Variants in TDP1 observed in about 807,000 individuals in gnomAD.
TDP1 encodes the protein tyrosyl-DNA phosphodiesterase 1.
A neutral mutation model predicts 81.5 loss-of-function variants in TDP1; 64 were observed. The ratio of observed to expected loss-of-function variants is 0.79; its 90% CI spans 0.64 to 0.97. The LOEUF is 0.97. Ranked by LOEUF, TDP1 falls within the 50% of genes least tolerant of loss-of-function variation. TDP1 has a pLI of 0.00. For synonymous variants in TDP1, 256 were observed against 264.3 expected, an observed-to-expected ratio of 0.97 and a Z score of 0.30; for missense variants, 723 against 743.8, an observed-to-expected ratio of 0.97 and a Z score of 0.33.
chr14:90,023,402 G>C (rs1434846929), intron 15 of TDP1, among the ~76,000 whole-genome samples: 1 of 152,188 alleles, frequency 6.6e-6, no homozygotes, highest in East Asian at 1.9e-4. Context: ...ATCTGAAGGA[G>C]ACTGGAGAAC....
At chr14:89,984,479 T>C in intron 8 of TDP1, 37 bp from the exon 9 acceptor site, 1 of 1,613,474 alleles carries the variant, frequency 6.2e-7, no homozygotes, top group Non-Finnish European at 8.5e-7. Flanking sequence ...TGATCAGTTG[T>C]GTGCCTGACT....
chr14:90,033,045 G>GT (rs36121087), intron 15 of TDP1, 61 bp from the exon 16 acceptor site: 50,708 of 915,840 alleles, frequency 0.055, 440 homozygotes, highest in African/African-American at 0.15. Flanking sequence ...AGGCCTTCTG[G>GT]TTTTTTTTTT....
chr14:90,014,754 A>T (rs1214996329), intron 14 of TDP1, among the ~76,000 whole-genome samples: 2 of 152,030 alleles, frequency 1.3e-5, no homozygotes, highest in African/African-American at 4.8e-5. Context: ...ACATCTTCTT[A>T]AAAAAAACTT....
chr14:89,970,841 T>G, intron 5 of TDP1: 1 of 760,150 alleles, frequency 1.3e-6, no homozygotes, highest in East Asian at 1.3e-4. Context: ...ATTTATTTAT[T>G]TATTTATTTA....
rs34657096 is a variant in TDP1, at chr14:89,980,459, A to G, written c.792-81A>G. 29,816 of 1,462,102 alleles carry G rather than the reference A, an allele frequency of 0.02. 404 individuals are homozygous for G. Among genetic ancestry groups the G allele is most frequent in the African/African-American group, 0.068 (4,878 of 71,662 alleles). The allele number at this position is 1,462,102 out of a possible 1,614,324, so 90.6% of individuals were successfully genotyped here. On this transcript the variant is annotated intron_variant, in intron 7 of 16. Coordinates refer to ENST00000335725, the MANE Select transcript of TDP1 (RefSeq NM_018319.4). ...AGAGTTTAAAAAAATTCCTTTAGCT[A>G]TGTATTACATTTGCATTGGAAAGGT...
chr14:89,980,328 C>T (rs1271335859), intron 7 of TDP1: 1 of 984,220 alleles, frequency 1.0e-6, no homozygotes, highest in East Asian at 1.1e-4. Flanking sequence ...CTTTTACCAC[C>T]AAATACTCAA....
intron 15 of TDP1, among the ~76,000 whole-genome samples, chr14:90,028,696 T>C (rs1886923129): frequency 6.6e-6 from 1 of 152,230 alleles, no homozygotes; most frequent in Non-Finnish European, 1.5e-5. Context: ...GTAGTACTTT[T>C]TTTTGTAATA....
chr14:89,993,872 T>A (rs960712506), intron 14 of TDP1, among the ~76,000 whole-genome samples: 7 of 152,246 alleles, frequency 4.6e-5, no homozygotes, highest in Non-Finnish European at 1.0e-4. Flanking sequence ...AAATCTCTTA[T>A]GTGTCCTTTT....
chr14:89,964,186 G>T (rs1280220116), intron 3 of TDP1, among the ~76,000 whole-genome samples: 1 of 151,986 alleles, frequency 6.6e-6, no homozygotes, highest in Non-Finnish European at 1.5e-5. Context: ...TTAAAAGCCT[G>T]GTTTTAGTTC....
chr14:89,985,080 T>C (rs371125227), intron 9 of TDP1, 52 bp from the exon 10 acceptor site: 3 of 1,449,600 alleles, frequency 2.1e-6, no homozygotes, highest in Non-Finnish European at 2.9e-6. Flanking sequence ...TTTTTTTTGG[T>C]GCCCAAAGCA....
rs556544556 is a variant in TDP1, at chr14:89,987,475, C to T, written c.1132-1430C>T. On this transcript the variant is annotated intron_variant, in intron 10 of 16. Transcript: ENST00000335725. ...CCTGTCTTAAGGATACTGCTTTGCTCTTGGAGCAGAAAGTGGACACTTTTA... is the reference window on the plus strand; with the variant it reads ...CCTGTCTTAAGGATACTGCTTTGCTTTTGGAGCAGAAAGTGGACACTTTTA... Among the ~76,000 whole-genome samples, 168 of 152,326 alleles carry T rather than the reference C, an allele frequency of 1.1e-3. 1 individual carries two copies. Among genetic ancestry groups the T allele is most frequent in the African/African-American group, 3.8e-3 (159 of 41,572 alleles).
chr14:89,976,355 C>T, intron 7 of TDP1, among the ~76,000 whole-genome samples: 1 of 152,082 alleles, frequency 6.6e-6, no homozygotes, highest in Non-Finnish European at 1.5e-5. Context: ...CTGCCTTAGC[C>T]TCTCAAAGTG....
Position 90,043,322 on chromosome 14 carries a change from ATAAAG to A in TDP1, c.*182_*186del, listed in dbSNP as rs1888546716. The A allele has an allele frequency of 1.4e-6, 1 of 700,776 alleles. No individual in the cohort carries two copies. The highest frequency in any genetic ancestry group is 2.4e-6 in the Non-Finnish European group (1 of 412,480). The allele number at this position is 700,776 out of a possible 1,614,324, so 43.4% of individuals were successfully genotyped here. ...CTTTTAATGGACATTAACATTCCTA[ATAAAG>A]TATTAGTTTCTTAATTCACTTTTAT... On this transcript the variant is annotated 3_prime_UTR_variant, in exon 17 of 17. Transcript: ENST00000335725.
At chr14:89,988,546 G>T (rs1015053728) in intron 10 of TDP1, 35 of 960,838 alleles carry the variant, frequency 3.6e-5, no homozygotes, top group Non-Finnish European at 4.3e-5. Flanking sequence ...CATCAAAGCT[G>T]CATTAAACAC....
chr14:90,019,376 C>A lies in TDP1; in HGVS notation c.1602C>A (p.Ile534=), dbSNP rs1885701636. The A allele has an allele frequency of 6.2e-7, 1 of 1,612,758 alleles. No individual in the cohort carries two copies. Among genetic ancestry groups the A allele is most frequent in the African/African-American group, 1.3e-5 (1 of 74,892 alleles). ...AGAAGAATGGCACCCAGCTGATGAT[C>A]CGCTCCTACGAGCTCGGGGTCCTTT... is the stretch of plus-strand genomic sequence containing the variant. ...ALEKNGTQLM[I]RSYELGVLFL... The change falls in exon 15 of 17, where the codon ATC becomes ATA. Residue 534 remains isoleucine (I), a synonymous_variant. Coordinates refer to ENST00000335725, the MANE Select transcript of TDP1 (RefSeq NM_018319.4).
chr14:89,981,478 C>T (rs999627045), intron 8 of TDP1: 7 of 454,734 alleles, frequency 1.5e-5, no homozygotes, highest in African/African-American at 1.4e-4. Flanking sequence ...TTGTACATCT[C>T]TGCCTGTGCT....
chr14:89,955,678 G>A (rs1891479559), upstream of TDP1: 1 of 152,448 alleles, frequency 6.6e-6, no homozygotes, highest in Non-Finnish European at 1.5e-5. Context: ...TGTAAAGAGG[G>A]TGAGTCTTGC....
At chr14:89,986,475 A>G (rs1895570452) in intron 10 of TDP1, among the ~76,000 whole-genome samples, 4 of 152,240 alleles carry the variant, frequency 2.6e-5, no homozygotes. Context: ...CAAATGTCTA[A>G]TGGTTTAGAT....
chr14:89,984,640 G>A lies in TDP1; in HGVS notation c.1009G>A (p.Glu337Lys). ...LMAYNAPSLK[E>K]WIDVIHKHDL... ...GGCTTATAATGCCCCTTCTCTCAAGGAGTGGATAGATGTCATTCACAAGCA... is the reference window on the plus strand; with the variant it reads ...GGCTTATAATGCCCCTTCTCTCAAGAAGTGGATAGATGTCATTCACAAGCA... The change falls in exon 9 of 17, where the codon GAG (glutamate) becomes AAG (lysine). Residue 337 changes from glutamate to lysine, a missense_variant. Physicochemically the swap from Glu to Lys is moderately conservative, Grantham distance 56. Coordinates refer to ENST00000335725, the MANE Select transcript of TDP1 (RefSeq NM_018319.4). 1 of 1,614,060 alleles carries A rather than the reference G, an allele frequency of 6.2e-7. No homozygotes were observed. Among genetic ancestry groups the A allele is most frequent in the Non-Finnish European group, 8.5e-7 (1 of 1,180,024 alleles).
Sources: gnomAD v4.1 joint callset for allele counts (sites outside exome capture counted in the v4.1 genomes callset) on GRCh38, gnomAD v4.1.1 for gene constraint, MANE v1.5 for transcripts, NCBI Gene and HGNC (gene_info 2026-07-23, HGNC 2026-07-21) for gene names.